The following MARVELD2 variants were observed in gnomAD, a reference collection of about 807,000 sequenced individuals.
MARVELD2 encodes MARVEL domain-containing protein 2.
MARVELD2 carries 49 observed loss-of-function variants against 57.6 expected under a neutral mutation model. The ratio of observed to expected loss-of-function variants is 0.85; its 90% confidence interval spans 0.68 to 1.08. MARVELD2 has a LOEUF of 1.08. Ranked by LOEUF, MARVELD2 falls within the 50% of genes least tolerant of loss-of-function variation. MARVELD2 has a pLI of 0.00. For synonymous variants in MARVELD2, 238 were observed against 258.8 expected, an observed-to-expected ratio of 0.92 and a Z score of 0.77; for missense variants, 606 against 701.1, an observed-to-expected ratio of 0.86 and a Z score of 1.53.
Position 69,427,973 on chromosome 5 carries a change from A to T in MARVELD2, c.1182+3337A>T, listed in dbSNP as rs746484884. 5.3e-5 allele frequency among the ~76,000 whole-genome samples: 8 copies of T among 152,168 alleles called. No individual in the cohort carries two copies. The South Asian group carries it at 1.5e-3, about 28-fold the overall frequency. On this transcript the variant is annotated intron_variant, in intron 3 of 6. Coordinates refer to ENST00000325631, the MANE Select transcript of MARVELD2 (RefSeq NM_001038603.3). Reference sequence around the variant, plus strand: ...CTAAAAATACAAAAATTAGCCAGGCATGGTGGTGCATGCCTGTAATCCCAG... The same window carrying T: ...CTAAAAATACAAAAATTAGCCAGGCTTGGTGGTGCATGCCTGTAATCCCAG...
intron 3 of MARVELD2, among the ~76,000 whole-genome samples, chr5:69,427,830 G>T (rs144426646): frequency 5.1e-4 from 77 of 152,324 alleles, no homozygotes; most frequent in Middle Eastern, 3.4e-3. Context: ...TCCCAATAGA[G>T]AACAGGTGCA....
At chr5:69,441,456 T>C (rs897835180) in intron 6 of MARVELD2, 76 bp from the exon 7 acceptor site, 4 of 1,557,260 alleles carry the variant, frequency 2.6e-6, no homozygotes, top group Non-Finnish European at 3.5e-6. Flanking sequence ...GATCATTTCC[T>C]GGGTGACAAT....
At chr5:69,420,597 T>G in intron 2 of MARVELD2, 66 bp downstream of exon 2, 2 of 1,466,094 alleles carry the variant, frequency 1.4e-6, no homozygotes, top group Non-Finnish European at 1.9e-6. Context: ...TGCTCCCTTG[T>G]TAAAAAATGT....
intron 2 of MARVELD2, among the ~76,000 whole-genome samples, chr5:69,421,993 C>A (rs1033794267): frequency 6.6e-6 from 1 of 152,064 alleles, no homozygotes; most frequent in African/African-American, 2.4e-5. Flanking sequence ...TTACTGCAGT[C>A]TCTGAACATA....
chr5:69,419,244 T>G (rs1766520100), intron 1 of MARVELD2, 127 bp from the exon 2 acceptor site: 1 of 981,200 alleles, frequency 1.0e-6, no homozygotes, highest in Admixed American at 2.1e-5. Context: ...ATCATTTTTG[T>G]ATATCATAAT....
At chr5:69,422,297 AT>A (rs1312421806) in intron 2 of MARVELD2, among the ~76,000 whole-genome samples, 2 of 152,220 alleles carry the variant, frequency 1.3e-5, no homozygotes, top group African/African-American at 4.8e-5. Flanking sequence ...ACAGAGCCAT[AT>A]TTCTCTTCTT....
intron 3 of MARVELD2, among the ~76,000 whole-genome samples, chr5:69,429,878 C>A (rs1168709213): frequency 7.1e-6 from 1 of 139,914 alleles, no homozygotes; most frequent in Admixed American, 7.5e-5. Context: ...ATCAATAAAC[C>A]AAATAGTTCT....
chr5:69,433,615 C>T lies in MARVELD2; in HGVS notation c.1503+522C>T, dbSNP rs543058663. 2.9e-3 allele frequency: 466 copies of T among 159,780 alleles called. 4 individuals carry two copies. Among genetic ancestry groups the T allele is most frequent in the African/African-American group, 0.011 (455 of 41,530 alleles). 9.9% of individuals were successfully genotyped at this position (159,780 alleles called of 1,614,324 possible). A position where few individuals can be genotyped will look rare whatever the true frequency, so the allele number is the denominator to read the frequency against. On this transcript the variant is annotated intron_variant, in intron 5 of 6. Coordinates refer to ENST00000325631, the MANE Select transcript of MARVELD2 (RefSeq NM_001038603.3). ...GCTGGGACTAAGGCGCCTGCCACCACGCCCAGCTAATTTTTTTGTATTTTT... is the reference window on the plus strand; with the variant it reads ...GCTGGGACTAAGGCGCCTGCCACCATGCCCAGCTAATTTTTTTGTATTTTT...
At chr5:69,439,254 G>C (rs1767254666) in intron 5 of MARVELD2, among the ~76,000 whole-genome samples, 1 of 151,614 alleles carries the variant, frequency 6.6e-6, no homozygotes, top group East Asian at 2.0e-4. Flanking sequence ...TCCGCCTCCT[G>C]GGTTCAAGTG....
chr5:69,439,960 A>G (rs1217077468), intron 5 of MARVELD2, among the ~76,000 whole-genome samples: 1 of 152,120 alleles, frequency 6.6e-6, no homozygotes, highest in Non-Finnish European at 1.5e-5. Context: ...TATATTAGCT[A>G]TTTTCAAAAG....
Position 69,419,508 on chromosome 5 carries a change from G to C in MARVELD2, c.123G>C (p.Val41=). ...CTCTTCATGACAGTGAGCGGGCAGTGAGCGCTGATCCCTTGCCACCACCCC... is the reference window on the plus strand; with the variant it reads ...CTCTTCATGACAGTGAGCGGGCAGTCAGCGCTGATCCCTTGCCACCACCCC... ...HPTLHDSERA[V]SADPLPPPPL... The change falls in exon 2 of 7, where the codon GTG becomes GTC. Residue 41 remains valine (V), a synonymous_variant. Coordinates refer to ENST00000325631, the MANE Select transcript of MARVELD2 (RefSeq NM_001038603.3). 6.2e-7 allele frequency: 1 copy of C among 1,614,144 alleles called. No individual in the cohort carries two copies. Among genetic ancestry groups the C allele is most frequent in the Non-Finnish European group, 8.5e-7 (1 of 1,180,032 alleles).
chr5:69,432,779 C>G, intron 4 of MARVELD2, 104 bp downstream of exon 4: 2 of 1,570,454 alleles, frequency 1.3e-6, no homozygotes, highest in South Asian at 2.2e-5. Flanking sequence ...TGCTTAAAAT[C>G]GTGTATGTAA....
chr5:69,420,842 C>T (rs898328889), intron 2 of MARVELD2, among the ~76,000 whole-genome samples: 5 of 152,004 alleles, frequency 3.3e-5, no homozygotes, highest in African/African-American at 9.6e-5. Context: ...ATACAGCTAC[C>T]GAATTTTTGC....
Position 69,440,437 on chromosome 5 carries a change from G to A in MARVELD2, c.1504-13G>A, listed in dbSNP as rs757281680. Reference sequence around the variant, plus strand: ...AAATGTTTTAACTTAAGTATACAATGTATTATTTTTAGGAACATGAGAGAA... The same window carrying A: ...AAATGTTTTAACTTAAGTATACAATATATTATTTTTAGGAACATGAGAGAA... On this transcript the variant is annotated splice_polypyrimidine_tract_variant and intron_variant, in intron 5 of 6. Coordinates refer to ENST00000325631, the MANE Select transcript of MARVELD2 (RefSeq NM_001038603.3). 17 of 1,249,604 alleles carry A rather than the reference G, an allele frequency of 1.4e-5. No homozygotes were observed. The highest frequency in any genetic ancestry group is 2.0e-5 in the Non-Finnish European group (17 of 853,528). 77.4% of individuals were successfully genotyped at this position (1,249,604 alleles called of 1,614,324 possible).
intron 1 of MARVELD2, chr5:69,419,031 G>C (rs1037410791): frequency 3.6e-6 from 1 of 275,046 alleles, no homozygotes; most frequent in African/African-American, 2.2e-5. Flanking sequence ...GGGTTCAAGC[G>C]GTCTATACCT....
intron 5 of MARVELD2, among the ~76,000 whole-genome samples, chr5:69,437,934 G>A (rs1012368391): frequency 2.6e-5 from 4 of 152,128 alleles, no homozygotes; most frequent in African/African-American, 9.7e-5. Context: ...TAACCCAATG[G>A]CAGGCCCACG....
At position 69,428,178 on chromosome 5, in the gene MARVELD2, A is replaced by G. The variant is rs1580484167; in HGVS notation, c.1182+3542A>G. 2.6e-5 allele frequency among the ~76,000 whole-genome samples: 3 copies of G among 113,276 alleles called. No homozygotes were observed. In the East Asian group the frequency reaches 7.8e-4, roughly 29 times the overall value. The allele number at this position is 113,276 out of a possible 152,430, so 74.3% of individuals were successfully genotyped here. A position where few individuals can be genotyped will look rare whatever the true frequency, so the allele number is the denominator to read the frequency against. On this transcript the variant is annotated intron_variant, in intron 3 of 6. Coordinates refer to ENST00000325631, the MANE Select transcript of MARVELD2 (RefSeq NM_001038603.3). ...TGATCGGGAAGGTTCATCCAAAAAG[A>G]GCAGAAAAAAAGTTAAGACCATAAA...
Position 69,433,100 on chromosome 5 carries a change from A to G in MARVELD2, c.1503+7A>G, listed in dbSNP as rs1767019040. 1.3e-6 allele frequency: 2 copies of G among 1,509,046 alleles called. No homozygotes were observed. Among genetic ancestry groups the G allele is most frequent in the East Asian group, 5.6e-5 (2 of 35,832 alleles). 93.5% of individuals were successfully genotyped at this position (1,509,046 alleles called of 1,614,324 possible). ...TCATTCGGAAAGCCGACAGGTTAGTATGTGCAGCTGCCTAGGAGGAGCACT... is the reference window on the plus strand; with the variant it reads ...TCATTCGGAAAGCCGACAGGTTAGTGTGTGCAGCTGCCTAGGAGGAGCACT... On this transcript the variant is annotated splice_region_variant and intron_variant, in intron 5 of 6. Coordinates refer to ENST00000325631, the MANE Select transcript of MARVELD2 (RefSeq NM_001038603.3).
chr5:69,441,634 G>A lies in MARVELD2; in HGVS notation c.1657G>A (p.Asp553Asn). 1.3e-6 allele frequency: 2 copies of A among 1,580,588 alleles called. No individual in the cohort carries two copies. The highest frequency in any genetic ancestry group is 1.7e-6 in the Non-Finnish European group (2 of 1,151,184). The change falls in exon 7 of 7, where the codon GAT (aspartate) becomes AAT (asparagine). Residue 553 changes from aspartate (D) to asparagine (N), a missense_variant. Asp to Asn is a conservative substitution (Grantham distance 23, BLOSUM62 1). Coordinates refer to ENST00000325631, the MANE Select transcript of MARVELD2 (RefSeq NM_001038603.3). The stretch of plus-strand genomic sequence containing the variant: ...AGAATATGATAAAGTAATGAATTGG[G>A]ATGTACAAGGTTATTCTTAACGCTT... ...IQEYDKVMNW[D>N]VQGYS
Sources: gnomAD v4.1 joint callset for allele counts (sites outside exome capture counted in the v4.1 genomes callset) on GRCh38, gnomAD v4.1.1 for gene constraint, MANE v1.5 for transcripts, NCBI Gene and HGNC (gene_info 2026-07-23, HGNC 2026-07-21) for gene names.